The following SS18 variants were observed in gnomAD, a reference collection of about 807,000 sequenced individuals.
SS18 encodes protein SSXT.
SS18 carries 28 observed loss-of-function variants against 72.5 expected under a neutral mutation model. That is an observed-to-expected ratio of 0.39 (90% confidence interval 0.29 to 0.53). The LOEUF (loss-of-function observed/expected upper bound fraction) is 0.53, where lower values mean the gene tolerates loss of function less well. Ranked by LOEUF, SS18 falls within the 20% of genes least tolerant of loss-of-function variation. SS18 has a pLI of 0.76. For missense variants in SS18, 518 were observed against 535.3 expected, an observed-to-expected ratio of 0.97 and a Z score of 0.32; for synonymous variants, 172 against 164.2, an observed-to-expected ratio of 1.05 and a Z score of -0.37.
chr18:26,019,434 C>G (rs1367217860), intron 10 of SS18, among the ~76,000 whole-genome samples: 1 of 152,084 alleles, frequency 6.6e-6, no homozygotes, highest in Admixed American at 6.6e-5. Context: ...CCCTAAAAAT[C>G]TACATTTCCA....
chr18:26,026,733 T>TATTC (rs1213674635), intron 10 of SS18, among the ~76,000 whole-genome samples: 1 of 152,140 alleles, frequency 6.6e-6, no homozygotes, highest in Non-Finnish European at 1.5e-5. Context: ...TATGTTTGAA[T>TATTC]ATTCAATGAA....
intron 10 of SS18, among the ~76,000 whole-genome samples, chr18:26,032,040 C>T (rs2053551449): frequency 6.6e-6 from 1 of 152,064 alleles, no homozygotes; most frequent in East Asian, 1.9e-4. Flanking sequence ...TAACGTTGAA[C>T]TGTATGTACA....
chr18:26,088,212 A>G (rs892593339), intron 1 of SS18, among the ~76,000 whole-genome samples: 1 of 152,230 alleles, frequency 6.6e-6, no homozygotes, highest in Non-Finnish European at 1.5e-5. Context: ...TACCTCTGCT[A>G]TCTGTAATAG....
In SS18 at chr18:26,077,136, T is replaced by C. The variant is rs144346081; in HGVS notation, c.231+940A>G. Among the ~76,000 whole-genome samples, 36 of 152,150 alleles carry C rather than the reference T, an allele frequency of 2.4e-4. 1 individual carries two copies. Among genetic ancestry groups the C allele is most frequent in the African/African-American group, 7.0e-4 (29 of 41,562 alleles). On this transcript the variant is annotated intron_variant, in intron 3 of 10. Transcript: ENST00000415083. Reference sequence around the variant, plus strand: ...CAAGCATCAATGACCATTAAAACCATTAAGTGATAGGTAGACAGGGAACTT... The same window carrying C: ...CAAGCATCAATGACCATTAAAACCACTAAGTGATAGGTAGACAGGGAACTT...
Position 26,085,141 on chromosome 18 carries a change from T to C in SS18, c.146+2360A>G, listed in dbSNP as rs143914109. On this transcript the variant is annotated intron_variant, in intron 2 of 10. Transcript: ENST00000415083. ...GCACATACAGGAATTCTTTGTACTA[T>C]CTTTGAAACATTTTTGTAAGTGTGA... is the stretch of plus-strand genomic sequence containing the variant. 5.6e-3 allele frequency among the ~76,000 whole-genome samples: 858 copies of C among 152,344 alleles called. 12 individuals carry two copies. Among genetic ancestry groups the C allele is most frequent in the African/African-American group, 0.02 (822 of 41,578 alleles).
chr18:26,066,661 T>C (rs2054225186), intron 3 of SS18, among the ~76,000 whole-genome samples: 1 of 151,642 alleles, frequency 6.6e-6, no homozygotes, highest in East Asian at 1.9e-4. Context: ...ATATATCCAA[T>C]CTCTTTACCT....
At chr18:26,082,473 A>G (rs1453973563) in intron 2 of SS18, 1 of 984,650 alleles carries the variant, frequency 1.0e-6, no homozygotes, top group African/African-American at 1.7e-5. Context: ...AATGATCGAC[A>G]CTAATTTTTT....
chr18:26,055,038 G>GA (rs1167797209), intron 4 of SS18, among the ~76,000 whole-genome samples: 1 of 151,896 alleles, frequency 6.6e-6, no homozygotes, highest in Non-Finnish European at 1.5e-5. Flanking sequence ...CATGCCCAGC[G>GA]AGAGAATATC....
In SS18 at chr18:26,054,619, T is replaced by C. The variant is rs545534546; in HGVS notation, c.386-1774A>G. 3.3e-5 allele frequency among the ~76,000 whole-genome samples: 5 copies of C among 152,180 alleles called. No individual in the cohort carries two copies. In the East Asian group the frequency reaches 7.7e-4, roughly 24 times the overall value. On this transcript the variant is annotated intron_variant, in intron 4 of 10. Transcript: ENST00000415083. ...GAATAAAATAATGGTCTCCAAGATA[T>C]ATCTTTGAGAAAGAAAAGATACATA...
At chr18:26,030,285 T>A (rs376646433) in intron 10 of SS18, among the ~76,000 whole-genome samples, 1 of 152,238 alleles carries the variant, frequency 6.6e-6, no homozygotes, top group Non-Finnish European at 1.5e-5. Flanking sequence ...CCTTTGTGAA[T>A]GCTCTTCTTT....
chr18:26,043,429 C>T (rs1257840918), intron 5 of SS18, among the ~76,000 whole-genome samples: 1 of 152,132 alleles, frequency 6.6e-6, no homozygotes, highest in Non-Finnish European at 1.5e-5. Flanking sequence ...CCTATTTTCA[C>T]ATTCATATTT....
intron 5 of SS18, among the ~76,000 whole-genome samples, chr18:26,042,512 T>C (rs2053747522): frequency 1.3e-5 from 2 of 152,220 alleles, no homozygotes; most frequent in South Asian, 4.1e-4. Context: ...ATAGATATTC[T>C]ATGAAAATAA....
At chr18:26,048,881 T>C (rs1388281016) in intron 5 of SS18, among the ~76,000 whole-genome samples, 1 of 152,242 alleles carries the variant, frequency 6.6e-6, no homozygotes, top group Non-Finnish European at 1.5e-5. Flanking sequence ...TGTTCACCTT[T>C]TTAAAAAAGC....
intron 10 of SS18, among the ~76,000 whole-genome samples, chr18:26,021,473 C>T (rs572392449): frequency 1.1e-4 from 16 of 152,306 alleles, no homozygotes; most frequent in African/African-American, 3.8e-4. Context: ...ATTCTGTCAT[C>T]TTGAGTAAAT....
intron 5 of SS18, among the ~76,000 whole-genome samples, chr18:26,043,851 T>C (rs868600321): frequency 6.6e-6 from 1 of 152,196 alleles, no homozygotes; most frequent in Admixed American, 6.5e-5. Flanking sequence ...CATTAAAAGA[T>C]ACAAAATCTT....
intron 3 of SS18, among the ~76,000 whole-genome samples, chr18:26,075,335 C>A (rs975369684): frequency 2.0e-5 from 3 of 151,814 alleles, no homozygotes; most frequent in African/African-American, 7.2e-5. Context: ...AAAATTTTAA[C>A]AAACTGAATA....
Position 26,052,719 on chromosome 18 carries a change from T to C in SS18, c.512A>G (p.Gln171Arg). The C allele has an allele frequency of 6.2e-7, 1 of 1,614,200 alleles. No homozygotes were observed. The highest frequency in any genetic ancestry group is 8.5e-7 in the Non-Finnish European group (1 of 1,179,990). Residue 171 changes from glutamine to arginine, a missense_variant, in exon 5 of 11, where the codon CAG becomes CGG. Transcript: ENST00000415083. ...CATCTGATTCTGTACTGGCATGCTC[T>C]GTGATGATGGCACAGAATGGTTGTA... ...GGYNHSVPSS[Q>R]SMPVQNQMTM...
At chr18:26,039,194 A>T in intron 6 of SS18, 95 bp downstream of exon 6, 7 of 910,406 alleles carry the variant, frequency 7.7e-6, no homozygotes, top group Non-Finnish European at 9.0e-6. Flanking sequence ...AAAAAAAAAA[A>T]AGAAAACGCC....
chr18:26,050,894 G>A (rs960456856), intron 5 of SS18, among the ~76,000 whole-genome samples: 1 of 151,198 alleles, frequency 6.6e-6, no homozygotes. Context: ...GGGCAACAGA[G>A]CCAGACGCCG....
Sources: allele counts gnomAD v4.1 joint callset (sites outside exome capture counted in the v4.1 genomes callset), GRCh38; gene constraint gnomAD v4.1.1; transcripts MANE v1.5; gene names NCBI Gene and HGNC (gene_info 2026-07-23, HGNC 2026-07-21).